ARVCF: variants seen among roughly 807,000 people sequenced by gnomAD.
ARVCF encodes the protein splicing regulator ARVCF.
In ARVCF, 66 loss-of-function variants were observed where a neutral mutation model predicts 90.9. The ratio of observed to expected loss-of-function variants is 0.73; its 90% confidence interval spans 0.60 to 0.89. The LOEUF (loss-of-function observed/expected upper bound fraction) is 0.89. Among genes scored for constraint, ARVCF ranks in the 40% least tolerant of loss-of-function variants. The pLI, the probability that ARVCF is intolerant of heterozygous loss-of-function variation, is 0.00. For missense variants in ARVCF, 1,469 were observed against 1,382.3 expected (o/e 1.06, Z -1.00); for synonymous variants, 653 against 603.4 (o/e 1.08, Z -1.21).
chr22:19,972,414 G>A lies in ARVCF; in HGVS notation c.2642-3C>T. 3 of 1,613,488 alleles carry A rather than the reference G, an allele frequency of 1.9e-6. No individual in the cohort carries two copies. Among genetic ancestry groups the A allele is most frequent in the East Asian group, 4.5e-5 (2 of 44,876 alleles). ...CCGGCTGCCAGTTTTCTCGCCCTCT[G>A]CAAGGCAGGAGGAGGAGACGGGCTG... On this transcript the variant is annotated splice_polypyrimidine_tract_variant and splice_region_variant and intron_variant, in intron 16 of 19. Transcript: ENST00000263207.
At chr22:19,971,520 GCA>G (rs1339839951) in intron 18 of ARVCF, among the ~76,000 whole-genome samples, 185 bp from the exon 19 acceptor site, 1 of 152,192 alleles carries the variant, frequency 6.6e-6, no homozygotes, top group Non-Finnish European at 1.5e-5. Flanking sequence ...GCGGGCACGT[GCA>G]CACACACAGG....
chr22:19,994,203 G>A (rs1944137627), intron 2 of ARVCF, among the ~76,000 whole-genome samples: 1 of 151,910 alleles, frequency 6.6e-6, no homozygotes, highest in Admixed American at 6.6e-5. Flanking sequence ...GGAGGATCGT[G>A]GGAGATGGAC....
intron 2 of ARVCF, among the ~76,000 whole-genome samples, chr22:20,006,262 T>C (rs1244817223): frequency 6.6e-6 from 1 of 152,182 alleles, no homozygotes; most frequent in Non-Finnish European, 1.5e-5. Flanking sequence ...TATTCTACCA[T>C]AATTAAAAAT....
intron 5 of ARVCF, 92 bp downstream of exon 5, chr22:19,981,119 T>G: frequency 1.4e-6 from 2 of 1,417,402 alleles, no homozygotes; most frequent in Non-Finnish European, 1.9e-6. Flanking sequence ...CTAACTCAAC[T>G]GCGCCACTTG....
Position 19,970,715 on chromosome 22 carries a change from C to G in ARVCF, c.*41G>C. ...GGTGGCCCTTCTTCCACGATCCAAG[C>G]CCTAAGAACAAGAGGCTGGGCCTGG... is the stretch of plus-strand genomic sequence containing the variant. On this transcript the variant is annotated 3_prime_UTR_variant, in exon 20 of 20. Transcript: ENST00000263207. The G allele has an allele frequency of 7.8e-7, 1 of 1,286,472 alleles. No homozygotes were observed. Among genetic ancestry groups the G allele is most frequent in the Non-Finnish European group, 1.0e-6 (1 of 987,826 alleles). 79.7% of individuals were successfully genotyped at this position (1,286,472 alleles called of 1,614,324 possible).
chr22:19,979,198 AG>A lies in ARVCF; in HGVS notation c.1397-119del, dbSNP rs1943338806. The A allele has an allele frequency of 6.1e-6, 7 of 1,150,882 alleles. No homozygotes were observed. The South Asian group carries it at 1.1e-4, about 18-fold the overall frequency. The allele number at this position is 1,150,882 out of a possible 1,614,324, so 71.3% of individuals were successfully genotyped here. On this transcript the variant is annotated intron_variant, in intron 6 of 19. Coordinates refer to ENST00000263207, the MANE Select transcript of ARVCF (RefSeq NM_001670.3). ...CATGTCCCAGCTCATGCAGAACAGT[AG>A]GAAGTAACAAAAGCCGTGAGTGGTT...
chr22:20,012,987 T>C (rs1444202944), intron 1 of ARVCF, among the ~76,000 whole-genome samples: 2 of 152,242 alleles, frequency 1.3e-5, no homozygotes, highest in African/African-American at 4.8e-5. Context: ...CTCCCTGCAG[T>C]GTGGCCTCAG....
chr22:19,973,260 C>G lies in ARVCF; in HGVS notation c.2297G>C (p.Arg766Pro), dbSNP rs763549063. The G allele has an allele frequency of 1.2e-6, 2 of 1,608,998 alleles. No homozygotes were observed. The highest frequency in any genetic ancestry group is 1.7e-4 in the Middle Eastern group (1 of 6,044). The change falls in exon 14 of 20, where the codon CGA becomes CCA. Residue 766 changes from arginine to proline, a missense_variant. Transcript: ENST00000263207. ...RNVRNAQAPP[R>P]PGACLEEDTV... The stretch of plus-strand genomic sequence containing the variant: ...GTCTTCCTCCAGGCAGGCCCCCGGT[C>G]GCGGCGGAGCCTGTGCATTGCGCAC...
intron 3 of ARVCF, chr22:19,987,113 C>T (rs763667020): frequency 7.4e-6 from 4 of 542,424 alleles, no homozygotes; most frequent in Non-Finnish European, 1.0e-5. Context: ...ACTCGGGGGG[C>T]GCTGGCCAGC....
At position 19,978,082 on chromosome 22, in the gene ARVCF, G is replaced by A; in HGVS notation, c.1581-7C>T. 2.5e-6 allele frequency: 4 copies of A among 1,598,188 alleles called. No individual in the cohort carries two copies. Among genetic ancestry groups the A allele is most frequent in the Non-Finnish European group, 3.4e-6 (4 of 1,172,342 alleles). On this transcript the variant is annotated splice_polypyrimidine_tract_variant and splice_region_variant and intron_variant, in intron 7 of 19. Coordinates refer to ENST00000263207, the MANE Select transcript of ARVCF (RefSeq NM_001670.3). ...ACCATCGGAGCTCACATTCCTGTGT[G>A]GCCAAGAGCAGGCCAGGTGACCCCT... is the stretch of plus-strand genomic sequence containing the variant.
In ARVCF at chr22:19,972,613, G is replaced by A. The variant is rs1198532977; in HGVS notation, c.2641+124C>T. The stretch of plus-strand genomic sequence containing the variant: ...GAGTAGCCAAGAGGCAGAGGGCAGG[G>A]AAAGTGGCCTATGGAAGCCGTCTCA... On this transcript the variant is annotated intron_variant, in intron 16 of 19. Transcript: ENST00000263207. 5.8e-6 allele frequency: 7 copies of A among 1,204,796 alleles called. No individual in the cohort carries two copies. The African/African-American group carries it at 9.2e-5, about 16-fold the overall frequency. The allele number at this position is 1,204,796 out of a possible 1,614,324, so 74.6% of individuals were successfully genotyped here. A position where few individuals can be genotyped will look rare whatever the true frequency, so the allele number is the denominator to read the frequency against.
intron 1 of ARVCF, among the ~76,000 whole-genome samples, chr22:20,016,254 G>A (rs1048259742): frequency 6.6e-6 from 1 of 152,106 alleles, no homozygotes. Flanking sequence ...GCGCGGGGCG[G>A]GCACGGCTGC....
intron 2 of ARVCF, among the ~76,000 whole-genome samples, chr22:19,992,638 C>T (rs1322535350): frequency 1.3e-5 from 2 of 152,220 alleles, no homozygotes; most frequent in Non-Finnish European, 2.9e-5. Flanking sequence ...AGCCGAACCT[C>T]AGAAGCAAGG....
intron 2 of ARVCF, among the ~76,000 whole-genome samples, chr22:20,009,874 C>T (rs1269647648): frequency 1.3e-5 from 2 of 152,372 alleles, no homozygotes; most frequent in Admixed American, 6.5e-5. Flanking sequence ...TACATTCAGA[C>T]TATTCAGTTA....
chr22:20,007,375 C>A (rs1944668103), intron 2 of ARVCF, among the ~76,000 whole-genome samples: 1 of 152,270 alleles, frequency 6.6e-6, no homozygotes, highest in African/African-American at 2.4e-5. Flanking sequence ...GCACCCCAGT[C>A]TGGGTGACAG....
chr22:19,965,915 T>A (rs143035823), downstream of ARVCF, among the ~76,000 whole-genome samples: 6 of 152,304 alleles, frequency 3.9e-5, no homozygotes, highest in Middle Eastern at 3.4e-3. Flanking sequence ...TGGGTATTGA[T>A]GGCAGAGAGC....
At chr22:20,008,370 C>T (rs1276224439) in intron 2 of ARVCF, among the ~76,000 whole-genome samples, 2 of 152,226 alleles carry the variant, frequency 1.3e-5, no homozygotes, top group African/African-American at 4.8e-5. Flanking sequence ...TCACTCAGGC[C>T]TGGTCTCAGC....
At chr22:19,982,645 G>A (rs1346578886) in intron 3 of ARVCF, among the ~76,000 whole-genome samples, 4 of 150,134 alleles carry the variant, frequency 2.7e-5, no homozygotes, top group South Asian at 4.2e-4. Context: ...TAAGGTTCCC[G>A]CCACCAACGC....
chr22:19,974,373 A>G, intron 11 of ARVCF, 134 bp from the exon 12 acceptor site: 1 of 1,083,588 alleles, frequency 9.2e-7, no homozygotes, highest in East Asian at 2.7e-5. Context: ...TGAGTCACGT[A>G]ATATTTACTA....
Sources: gnomAD v4.1 joint callset for allele counts (sites outside exome capture counted in the v4.1 genomes callset) on GRCh38, gnomAD v4.1.1 for gene constraint, MANE v1.5 for transcripts, NCBI Gene and HGNC (gene_info 2026-07-23, HGNC 2026-07-21) for gene names.